The following WARS1 variants were observed in gnomAD, a reference collection of about 807,000 sequenced individuals.
WARS1 encodes tryptophan--tRNA ligase, cytoplasmic.
WARS1 carries 17 observed loss-of-function variants against 47.8 expected under a neutral mutation model. That is an observed-to-expected ratio of 0.36 (90% CI 0.24 to 0.53). The LOEUF is 0.53. Among genes scored for constraint, WARS1 ranks in the 20% least tolerant of loss-of-function variants. The pLI is 0.91. For synonymous variants in WARS1, 208 were observed against 228.1 expected (o/e 0.91, Z 0.79); for missense variants, 434 against 608.0 (o/e 0.71, Z 3.01).
intron 2 of WARS1, chr14:100,368,296 T>TACTC: frequency 2.7e-6 from 1 of 363,780 alleles, no homozygotes; most frequent in Non-Finnish European, 5.5e-6. Flanking sequence ...AAAGTTAGAG[T>TACTC]ACTCATTCTA....
At chr14:100,367,548 A>G (rs973842926) in intron 2 of WARS1, among the ~76,000 whole-genome samples, 19 of 130,328 alleles carry the variant, frequency 1.5e-4, no homozygotes, top group Middle Eastern at 4.0e-3. Context: ...AGATTGTGCC[A>G]CCACACTCCA....
rs141656311 is a variant in WARS1 at position 100,357,408 on chromosome 14, G to A, written c.423-2842C>T. On this transcript the variant is annotated intron_variant, in intron 4 of 10. Coordinates refer to ENST00000392882, the MANE Select transcript of WARS1 (RefSeq NM_004184.4). ...CTGCAAAAAGAAAAAAAGCATTAGC[G>A]CTAATAAACTCAGCAAAATTTCAGG... Among the ~76,000 whole-genome samples, 81 of 151,712 alleles carry A rather than the reference G, an allele frequency of 5.3e-4. 1 individual carries two copies. Among genetic ancestry groups the A allele is most frequent in the African/African-American group, 1.6e-3 (67 of 41,412 alleles).
At chr14:100,336,683 C>T (rs1228451179) in intron 10 of WARS1, among the ~76,000 whole-genome samples, 2 of 152,206 alleles carry the variant, frequency 1.3e-5, no homozygotes, top group Non-Finnish European at 2.9e-5. Context: ...ACACTCTGCT[C>T]ACTTGAGTGT....
Position 100,361,695 on chromosome 14 carries a change from G to A in WARS1, c.313+13C>T. The A allele has an allele frequency of 6.2e-7, 1 of 1,611,144 alleles. No individual in the cohort carries two copies. Among genetic ancestry groups the A allele is most frequent in the African/African-American group, 1.3e-5 (1 of 74,974 alleles). ...AGTTGCAGCTTTTTCTGGGAAGAAA[G>A]CAGAGGACGTACCAATGAGCTTATC... On this transcript the variant is annotated intron_variant, in intron 3 of 10. Coordinates refer to ENST00000392882, the MANE Select transcript of WARS1 (RefSeq NM_004184.4).
At chr14:100,369,790 G>C (rs1896229985) in intron 1 of WARS1, among the ~76,000 whole-genome samples, 1 of 151,276 alleles carries the variant, frequency 6.6e-6, no homozygotes, top group South Asian at 2.1e-4. Flanking sequence ...CGATTCTTCT[G>C]TCTCAGCCTC....
rs1231856155 is a variant in WARS1, at chr14:100,333,995, C to T, written c.*880G>A. Reference sequence around the variant, plus strand: ...CCTCGACTTTCTCCCTAGCTAAGTCCACCCGTCCAGGGACACAGCCAGGGC... The same window carrying T: ...CCTCGACTTTCTCCCTAGCTAAGTCTACCCGTCCAGGGACACAGCCAGGGC... On this transcript the variant is annotated 3_prime_UTR_variant, in exon 11 of 11. Coordinates refer to ENST00000392882, the MANE Select transcript of WARS1 (RefSeq NM_004184.4). The T allele has an allele frequency of 6.5e-6, 1 of 152,726 alleles. No homozygotes were observed. Among genetic ancestry groups the T allele is most frequent in the Non-Finnish European group, 1.5e-5 (1 of 68,108 alleles). The allele number at this position is 152,726 out of a possible 1,614,324, so 9.5% of individuals were successfully genotyped here.
chr14:100,344,506 C>G (rs1894398119), intron 7 of WARS1, among the ~76,000 whole-genome samples: 1 of 152,210 alleles, frequency 6.6e-6, no homozygotes, highest in African/African-American at 2.4e-5. Context: ...GGCCGCCACC[C>G]CGTCTGGGAA....
In WARS1 at chr14:100,353,812, CT is replaced by C. The variant is rs1176867710; in HGVS notation, c.599del (p.Lys200SerfsTer7). The C allele has an allele frequency of 2.5e-6, 4 of 1,614,064 alleles. No individual in the cohort carries two copies. The highest frequency in any genetic ancestry group is 3.4e-6 in the Non-Finnish European group (4 of 1,180,052). Reference protein sequence around the residue: ...PLVIQMTDDEKYLWKDLTLDQ... With the variant: ...PLVIQMTDDEXYLWKDLTLDQ... ...CCAGGGTCAGGTCCTTCCACAGATA[CT>C]TCTCGTCATCCGTCATCTGGATGAC... On this transcript the variant is annotated frameshift_variant, in exon 6 of 11. Transcript: ENST00000392882. LOFTEE classifies it high-confidence loss of function.
In WARS1 at chr14:100,334,567, G is replaced by A. The variant is rs1595394399; in HGVS notation, c.*308C>T. 1 of 263,562 alleles carries A rather than the reference G, an allele frequency of 3.8e-6. No homozygotes were observed. The highest frequency in any genetic ancestry group is 7.3e-6 in the Non-Finnish European group (1 of 137,396). 16.3% of individuals were successfully genotyped at this position (263,562 alleles called of 1,614,324 possible). A position where few individuals can be genotyped will look rare whatever the true frequency, so the allele number is the denominator to read the frequency against. ...AGTCCTCCATGGACAAGAACAGGGT[G>A]GCCCATGGACTTCCAGCCAAAGGCT... On this transcript the variant is annotated 3_prime_UTR_variant, in exon 11 of 11. Coordinates refer to ENST00000392882, the MANE Select transcript of WARS1 (RefSeq NM_004184.4).
chr14:100,369,047 G>T, intron 2 of WARS1, 40 bp downstream of exon 2: 1 of 1,443,654 alleles, frequency 6.9e-7, no homozygotes, highest in Non-Finnish European at 9.4e-7. Context: ...GACTTGGGAG[G>T]CTCAGCTGCC....
rs1164124733 is a variant in WARS1 at position 100,343,292 on chromosome 14, G to C, written c.922C>G (p.Pro308Ala). 1.9e-6 allele frequency: 3 copies of C among 1,612,772 alleles called. No individual in the cohort carries two copies. The highest frequency in any genetic ancestry group is 2.5e-6 in the Non-Finnish European group (3 of 1,179,138). ...RDRTDIQCLI[P>A]CAIDQDPYFR... ...CTGCTGACCTGGTCAATGGCACATG[G>C]GATAAGGCACTGGATATCCGTCCTG... is the stretch of plus-strand genomic sequence containing the variant. Residue 308 changes from proline (P) to alanine (A), a missense_variant, in exon 8 of 11, where the codon CCA becomes GCA. Physicochemically the swap from Pro to Ala is conservative, Grantham distance 27. Transcript: ENST00000392882.
In WARS1 at chr14:100,373,677, T is replaced by G. The variant is rs1289783194; in HGVS notation, c.-74+1606A>C. Among the ~76,000 whole-genome samples the G allele has an allele frequency of 6.6e-6, 1 of 152,160 alleles. No homozygotes were observed. Among genetic ancestry groups the G allele is most frequent in the Non-Finnish European group, 1.5e-5 (1 of 68,022 alleles). Reference sequence around the variant, plus strand: ...AGATAAACAGGACTTGCATTTAGGGTCCATGTTGCAGGGAAAAACATGTGT... The same window carrying G: ...AGATAAACAGGACTTGCATTTAGGGGCCATGTTGCAGGGAAAAACATGTGT... On this transcript the variant is annotated intron_variant, in intron 1 of 10. Coordinates refer to ENST00000392882, the MANE Select transcript of WARS1 (RefSeq NM_004184.4). The surrounding 1 kb of genome is among the most constrained non-coding windows in gnomAD (Gnocchi z 4.4).
At chr14:100,335,976 T>A (rs1566831497) in intron 10 of WARS1, among the ~76,000 whole-genome samples, 1 of 151,798 alleles carries the variant, frequency 6.6e-6, no homozygotes, top group Admixed American at 6.6e-5. Context: ...TTTTTTTTTT[T>A]AAAAGAAATG....
At position 100,354,439 on chromosome 14, in the gene WARS1, A is replaced by ATACT; in HGVS notation, c.542+4_542+7dup. 1 of 1,611,740 alleles carries ATACT rather than the reference A, an allele frequency of 6.2e-7. No homozygotes were observed. The highest frequency in any genetic ancestry group is 1.1e-5 in the South Asian group (1 of 90,242). On this transcript the variant is annotated splice_region_variant and intron_variant, in intron 5 of 10. Coordinates refer to ENST00000392882, the MANE Select transcript of WARS1 (RefSeq NM_004184.4). The stretch of plus-strand genomic sequence containing the variant: ...AGAGTAAGAAAAGCCATAAGATCCA[A>ATACT]TACTTACTTTGTGAAAATAAATGGA...
At chr14:100,348,126 G>A (rs1227295757) in intron 6 of WARS1, among the ~76,000 whole-genome samples, 1 of 152,200 alleles carries the variant, frequency 6.6e-6, no homozygotes, top group African/African-American at 2.4e-5. Flanking sequence ...ATAGTCACAG[G>A]CCCAGTGAGT....
intron 10 of WARS1, 100 bp from the exon 11 acceptor site, chr14:100,335,136 G>T: frequency 2.5e-6 from 3 of 1,187,960 alleles, no homozygotes; most frequent in Non-Finnish European, 3.5e-6. Flanking sequence ...CCCATGCAGA[G>T]CCTGGCACGT....
At chr14:100,349,721 C>A (rs1345113231) in intron 6 of WARS1, among the ~76,000 whole-genome samples, 1 of 152,208 alleles carries the variant, frequency 6.6e-6, no homozygotes, top group African/African-American at 2.4e-5. Context: ...TCCCTCAGGG[C>A]CCTGGGCAGG....
At chr14:100,366,766 C>T (rs1299236044) in intron 2 of WARS1, 7 of 1,027,070 alleles carry the variant, frequency 6.8e-6, no homozygotes, top group Admixed American at 3.4e-5. Flanking sequence ...CGTGGGGCCA[C>T]AATGAAGCTT....
chr14:100,365,428 A>T (rs983248883), intron 2 of WARS1: 1 of 239,520 alleles, frequency 4.2e-6, no homozygotes, highest in Admixed American at 5.5e-5. Context: ...AAAAATACAA[A>T]AATTAGCCGG....
Sources: gnomAD v4.1 joint callset for allele counts (sites outside exome capture counted in the v4.1 genomes callset) on GRCh38, gnomAD v4.1.1 for gene constraint, Gnocchi (gnomAD v3.1) non-coding constraint, MANE v1.5 for transcripts, NCBI Gene and HGNC (gene_info 2026-07-23, HGNC 2026-07-21) for gene names.